The following DNAH11 variants were observed in gnomAD, a reference collection of about 807,000 sequenced individuals.
DNAH11 encodes dynein axonemal heavy chain 11.
A neutral mutation model predicts 526.0 loss-of-function variants in DNAH11; 442 were observed. That is an observed-to-expected ratio of 0.84 (90% CI 0.78 to 0.91). DNAH11 has a LOEUF of 0.91. Ranked by LOEUF, DNAH11 falls within the 40% of genes least tolerant of loss-of-function variation. The pLI is 0.00. For synonymous variants in DNAH11, 2,461 were observed against 1,935.9 expected (o/e 1.27, Z -7.12); for missense variants, 6,989 against 5,448.7 (o/e 1.28, Z -8.90).
intron 45 of DNAH11, among the ~76,000 whole-genome samples, chr7:21,729,711 T>TTA (rs1562514053): frequency 2.1e-4 from 32 of 151,686 alleles, no homozygotes; most frequent in Non-Finnish European, 4.0e-4. Flanking sequence ...AACACTGAGG[T>TTA]CTCACCAGAA....
intron 25 of DNAH11, among the ~76,000 whole-genome samples, chr7:21,631,677 C>G (rs932273924): frequency 2.0e-5 from 3 of 152,204 alleles, no homozygotes; most frequent in Non-Finnish European, 2.9e-5. Context: ...CACGCTGATG[C>G]AAGAGGTGGG....
chr7:21,780,773 T>TA (rs1787907152), intron 57 of DNAH11, among the ~76,000 whole-genome samples: 1 of 152,226 alleles, frequency 6.6e-6, no homozygotes, highest in African/African-American at 2.4e-5. Flanking sequence ...ATTTTCATTT[T>TA]ATCCATGGAG....
At chr7:21,745,994 A>G (rs1347054895) in intron 51 of DNAH11, among the ~76,000 whole-genome samples, 1 of 152,238 alleles carries the variant, frequency 6.6e-6, no homozygotes, top group Non-Finnish European at 1.5e-5. Context: ...AGAAAAATAT[A>G]ACAAAAATGG....
chr7:21,655,148 C>T (rs538948320), intron 28 of DNAH11, among the ~76,000 whole-genome samples: 1 of 151,004 alleles, frequency 6.6e-6, no homozygotes, highest in South Asian at 2.1e-4. Flanking sequence ...GAACGCAAAA[C>T]TTAGGATGTA....
chr7:21,763,170 T>C (rs1295357736), intron 54 of DNAH11, among the ~76,000 whole-genome samples: 3 of 151,642 alleles, frequency 2.0e-5, no homozygotes, highest in African/African-American at 7.3e-5. Flanking sequence ...AGTAAAACCC[T>C]GTCTCTACTA....
At position 21,639,700 on chromosome 7, in the gene DNAH11, A is replaced by G. The variant is rs151180826; in HGVS notation, c.4944+635A>G. ...TACAAATTCCAAAGCACTCCTTCCT[A>G]TAAACTTTAAGAGAATGTTGCCTTT... On this transcript the variant is annotated intron_variant, in intron 28 of 81. Transcript: ENST00000409508. 1.9e-3 allele frequency among the ~76,000 whole-genome samples: 297 copies of G among 152,312 alleles called. 1 individual carries two copies. The highest frequency in any genetic ancestry group is 6.2e-3 in the South Asian group (30 of 4,824).
chr7:21,818,188 T>C, intron 64 of DNAH11, 29 bp from the exon 65 acceptor site: 1 of 1,594,436 alleles, frequency 6.3e-7, no homozygotes. Flanking sequence ...ATTTACATTT[T>C]ATTATCTCAA....
intron 65 of DNAH11, among the ~76,000 whole-genome samples, chr7:21,822,957 C>CTTTTTTTTTTTTTT (rs67284255): frequency 1.7e-5 from 1 of 60,568 alleles, no homozygotes; most frequent in Non-Finnish European, 2.8e-5. Flanking sequence ...AGATTATTTG[C>CTTTTTTTTTTTTTT]TTTTTTTTTT....
intron 58 of DNAH11, among the ~76,000 whole-genome samples, chr7:21,786,302 A>ACGTGTG (rs72269440): frequency 2.0e-5 from 3 of 150,842 alleles, no homozygotes; most frequent in African/African-American, 7.3e-5. Context: ...ACATATACAC[A>ACGTGTG]TGTGTGTGTG....
At chr7:21,682,525 CAAAAAAA>C (rs60337481) in intron 31 of DNAH11, among the ~76,000 whole-genome samples, 17 of 96,036 alleles carry the variant, frequency 1.8e-4, no homozygotes, top group East Asian at 3.4e-4. Flanking sequence ...GACTCCATCT[CAAAAAAA>C]AAAAAAAAAA....
intron 54 of DNAH11, among the ~76,000 whole-genome samples, chr7:21,762,749 A>G (rs1786977238): frequency 6.6e-6 from 1 of 152,230 alleles, no homozygotes; most frequent in African/African-American, 2.4e-5. Flanking sequence ...CTATGGAAGA[A>G]TCAACTTGAA....
rs149225232 is a variant in DNAH11 at position 21,789,418 on chromosome 7, C to T, written c.10026+76C>T. On this transcript the variant is annotated intron_variant, in intron 61 of 81. Transcript: ENST00000409508. ...TCCACCTTAGGATTCCACCCTCAGA[C>T]AGCACCATATCTGAGCCCTATCAAG... The T allele has an allele frequency of 1.2e-3, 1,083 of 902,766 alleles. 9 individuals carry two copies. In the African/African-American group the frequency reaches 0.016, roughly 14 times the overall value. 55.9% of individuals were successfully genotyped at this position (902,766 alleles called of 1,614,324 possible).
In DNAH11 at chr7:21,894,771, G is replaced by T; in HGVS notation, c.12899G>T (p.Arg4300Leu). 1 of 1,611,818 alleles carries T rather than the reference G, an allele frequency of 6.2e-7. No individual in the cohort carries two copies. Among genetic ancestry groups the T allele is most frequent in the South Asian group, 1.1e-5 (1 of 90,752 alleles). ...ERMNILIREI[R>L]ISLEQLDLSL... ...ATGAATATTCTCATTCGGGAAATAC[G>T]TATATCACTTGAACAACTGGACCTT... The change falls in exon 78 of 82, where the codon CGT (arginine) becomes CTT (leucine). Residue 4300 changes from arginine to leucine, a missense_variant. Arg to Leu is a moderately radical substitution (Grantham distance 102). Transcript: ENST00000409508.
At chr7:21,808,129 G>A (rs1789354246) in intron 63 of DNAH11, 80 bp downstream of exon 63, 1 of 1,210,882 alleles carries the variant, frequency 8.3e-7, no homozygotes, top group African/African-American at 1.5e-5. Context: ...TATATGCCAG[G>A]CGCTTTTGGA....
chr7:21,773,531 G>A (rs1428276571), intron 55 of DNAH11, among the ~76,000 whole-genome samples: 1 of 152,012 alleles, frequency 6.6e-6, no homozygotes, highest in Non-Finnish European at 1.5e-5. Flanking sequence ...GGTATGTGGA[G>A]CACATAAAAA....
chr7:21,689,898 A>G (rs1402286971), intron 34 of DNAH11, among the ~76,000 whole-genome samples: 2 of 152,130 alleles, frequency 1.3e-5, no homozygotes, highest in African/African-American at 4.8e-5. Context: ...GTCTCTCAAT[A>G]TGGCTCCCAT....
intron 55 of DNAH11, among the ~76,000 whole-genome samples, chr7:21,768,555 G>A (rs886388896): frequency 1.3e-5 from 2 of 152,242 alleles, no homozygotes; most frequent in Admixed American, 6.5e-5. Flanking sequence ...TTGACCAACC[G>A]ATGAGTTAAA....
intron 5 of DNAH11, 57 bp downstream of exon 5, chr7:21,561,227 C>A (rs549278676): frequency 4.6e-6 from 6 of 1,296,870 alleles, no homozygotes; most frequent in Middle Eastern, 1.8e-4. Context: ...ATGATCCAGC[C>A]CCTGCCTGCT....
chr7:21,564,483 A>G (rs901602939), intron 6 of DNAH11, 86 bp downstream of exon 6: 3 of 886,886 alleles, frequency 3.4e-6, no homozygotes, highest in African/African-American at 3.4e-5. Context: ...TCTAGTATAC[A>G]GTAAGAACAC....
Sources: gnomAD v4.1 joint callset for allele counts (sites outside exome capture counted in the v4.1 genomes callset) on GRCh38, gnomAD v4.1.1 for gene constraint, MANE v1.5 for transcripts, NCBI Gene and HGNC (gene_info 2026-07-23, HGNC 2026-07-21) for gene names.